DNMT1: variants seen among roughly 807,000 people sequenced by gnomAD.
The protein encoded by DNMT1 is DNA methyltransferase 1, also known as DNA (cytosine-5)-methyltransferase 1.
A neutral mutation model predicts 205.3 loss-of-function variants in DNMT1; 24 were observed. The observed-to-expected ratio is 0.12, with a 90% CI of 0.08 to 0.16. The LOEUF is 0.16. Among genes scored for constraint, DNMT1 ranks in the 10% least tolerant of loss-of-function variants. The pLI, the probability that DNMT1 is intolerant of heterozygous loss-of-function variation, is 1.00. For synonymous variants in DNMT1, 817 were observed against 839.8 expected (o/e 0.97, Z 0.47); for missense variants, 1,293 against 2,177.7 (o/e 0.59, Z 8.09).
intron 1 of DNMT1, among the ~76,000 whole-genome samples, chr19:10,191,713 T>C (rs182166315): frequency 3.9e-5 from 6 of 152,206 alleles, no homozygotes; most frequent in Middle Eastern, 3.4e-3. Flanking sequence ...TGAGGAATAA[T>C]GGCCGGGCCC....
chr19:10,164,229 T>C (rs1054463546), intron 11 of DNMT1, among the ~76,000 whole-genome samples: 2 of 152,120 alleles, frequency 1.3e-5, no homozygotes, highest in Admixed American at 6.6e-5. Context: ...GGCTCACCTC[T>C]GCCTCTCAGG....
At chr19:10,143,542 T>C (rs2089643743) in intron 29 of DNMT1, among the ~76,000 whole-genome samples, 1 of 152,008 alleles carries the variant, frequency 6.6e-6, no homozygotes, top group Non-Finnish European at 1.5e-5. Flanking sequence ...GGATTTCTTT[T>C]GGAAAAAGGG....
At position 10,149,013 on chromosome 19, in the gene DNMT1, C is replaced by T; in HGVS notation, c.2591G>A (p.Gly864Asp). ...CTCCAGCAGGGACTCGGGATCCATG[C>T]CTCCCTTGGGAGATAAGAATGCGTG... ...APSENWAMEG[G>D]MDPESLLEGD... The change falls in exon 27 of 41, where the codon GGC (glycine) becomes GAC (aspartate). Residue 864 changes from glycine to aspartate, a missense_variant. Gly to Asp is a moderately conservative substitution (Grantham distance 94, BLOSUM62 -1). Transcript: ENST00000359526. 1 of 1,614,036 alleles carries T rather than the reference C, an allele frequency of 6.2e-7. No homozygotes were observed. The highest frequency in any genetic ancestry group is 8.5e-7 in the Non-Finnish European group (1 of 1,179,996).
At chr19:10,134,849 C>A (rs1195362676) in intron 39 of DNMT1, among the ~76,000 whole-genome samples, 1 of 146,664 alleles carries the variant, frequency 6.8e-6, no homozygotes, top group Non-Finnish European at 1.5e-5. Context: ...CAGAGTGAGA[C>A]CCTGTCTCAG....
At position 10,154,859 on chromosome 19, in the gene DNMT1, A is replaced by G. The variant is rs778524656; in HGVS notation, c.1644+46T>C. ...ACAGTGTCTGCTGGTTCTGAAGGCA[A>G]GTTTCCAGTGGGAATCCCGGATGCT... On this transcript the variant is annotated intron_variant, in intron 20 of 40. Transcript: ENST00000359526. The surrounding 1 kb of genome is among the most constrained non-coding windows in gnomAD (Gnocchi z 6.3). 9 of 1,614,190 alleles carry G rather than the reference A, an allele frequency of 5.6e-6. No individual in the cohort carries two copies. Among genetic ancestry groups the G allele is most frequent in the Non-Finnish European group, 5.9e-6 (7 of 1,180,032 alleles).
In DNMT1 at chr19:10,135,752, A is replaced by T; in HGVS notation, c.4757T>A (p.Leu1586Gln). The change falls in exon 39 of 41, where the codon CTG becomes CAG. Residue 1586 changes from leucine (L) to glutamine (Q), a missense_variant. By Grantham distance (113) the Leu-to-Gln change is moderately radical. This residue lies in a region of DNMT1 where 24 missense variants were observed against 58.0 expected (regional missense o/e 0.41). Coordinates refer to ENST00000359526, the MANE Select transcript of DNMT1 (RefSeq NM_001130823.3). Reference protein sequence around the residue: ...PDTYRLFGNILDKHRQVGNAV... With the variant: ...PDTYRLFGNIQDKHRQVGNAV... ...CCCACTGACCTGCCGGTGCTTGTCC[A>T]GGATGTTGCCGAAGAGCCGGTAGGT... 1 of 1,606,886 alleles carries T rather than the reference A, an allele frequency of 6.2e-7. No individual in the cohort carries two copies. Among genetic ancestry groups the T allele is most frequent in the Non-Finnish European group, 8.5e-7 (1 of 1,177,978 alleles).
chr19:10,141,934 C>T, intron 30 of DNMT1, 94 bp downstream of exon 30: 1 of 1,477,926 alleles, frequency 6.8e-7, no homozygotes, highest in Non-Finnish European at 9.2e-7. Context: ...AGCTGAAACC[C>T]TGCAGCCAAG....
intron 22 of DNMT1, among the ~76,000 whole-genome samples, chr19:10,153,866 G>C (rs2038400588): frequency 6.6e-6 from 1 of 152,128 alleles, no homozygotes; most frequent in Non-Finnish European, 1.5e-5. Context: ...ATAGGACTAG[G>C]AAGTTAGTTC....
Position 10,166,584 on chromosome 19 carries a change from T to C in DNMT1, c.891+14A>G. On this transcript the variant is annotated intron_variant, in intron 11 of 40. Transcript: ENST00000359526. ...GAATGAGGGGGAGTTCAGAAACAAA[T>C]AACCCGCCTTTACTTTCTCGTCTCC... 6.2e-7 allele frequency: 1 copy of C among 1,613,934 alleles called. No homozygotes were observed. Among genetic ancestry groups the C allele is most frequent in the Non-Finnish European group, 8.5e-7 (1 of 1,179,908 alleles).
At position 10,173,854 on chromosome 19, in the gene DNMT1, A is replaced by G. The variant is rs1260410431; in HGVS notation, c.683+17T>C. The G allele has an allele frequency of 6.2e-7, 1 of 1,613,406 alleles. No homozygotes were observed. The highest frequency in any genetic ancestry group is 1.3e-5 in the African/African-American group (1 of 74,912). On this transcript the variant is annotated intron_variant, in intron 8 of 40. Coordinates refer to ENST00000359526, the MANE Select transcript of DNMT1 (RefSeq NM_001130823.3). ...CAACTCGTAGAACAAAAAGAAAGGT[A>G]TAGTAACTATTCTTACCGTTCTCTG...
At chr19:10,152,952 A>G (rs907488654) in intron 22 of DNMT1, among the ~76,000 whole-genome samples, 1 of 151,994 alleles carries the variant, frequency 6.6e-6, no homozygotes, top group African/African-American at 2.4e-5. Flanking sequence ...AAAAAAAAAA[A>G]AGCAATATTC....
At position 10,138,248 on chromosome 19, in the gene DNMT1, A is replaced by T. The variant is rs2089531828; in HGVS notation, c.4115+191T>A. The stretch of plus-strand genomic sequence containing the variant: ...GGCCGCTCTGCACATGCTATCTACT[A>T]GGGAAGCAGATGATGCAGGGTCAGA... On this transcript the variant is annotated intron_variant, in intron 35 of 40. Coordinates refer to ENST00000359526, the MANE Select transcript of DNMT1 (RefSeq NM_001130823.3). This position sits in a 1 kb window ranked among gnomAD's most constrained non-coding sequence, Gnocchi z 4.1. 6.6e-6 allele frequency among the ~76,000 whole-genome samples: 1 copy of T among 152,244 alleles called. No individual in the cohort carries two copies. Among genetic ancestry groups the T allele is most frequent in the Admixed American group, 6.5e-5 (1 of 15,290 alleles).
intron 1 of DNMT1, among the ~76,000 whole-genome samples, chr19:10,194,093 C>G (rs974754213): frequency 6.6e-6 from 1 of 152,346 alleles, no homozygotes; most frequent in African/African-American, 2.4e-5. Context: ...ATGCCCACGG[C>G]TCACAGGCAC....
chr19:10,136,009 G>A, intron 38 of DNMT1, 112 bp downstream of exon 38: 2 of 1,522,752 alleles, frequency 1.3e-6, no homozygotes, highest in Non-Finnish European at 1.8e-6. Flanking sequence ...GAGGCCAGGT[G>A]CCTGGGGTCC....
rs377632120 is a variant in DNMT1, at chr19:10,168,319, G to A, written c.803+11C>T. 2.3e-4 allele frequency: 364 copies of A among 1,613,880 alleles called. No homozygotes were observed. Among genetic ancestry groups the A allele is most frequent in the Non-Finnish European group, 1.7e-4 (196 of 1,179,956 alleles). On this transcript the variant is annotated intron_variant, in intron 10 of 40. Coordinates refer to ENST00000359526, the MANE Select transcript of DNMT1 (RefSeq NM_001130823.3). ...CACAACAAAGCACAAAGGCAGGTTC[G>A]CTGCACTTACGGTTCTTTGGTTTGA...
At position 10,177,161 on chromosome 19, in the gene DNMT1, C is replaced by T. The variant is rs184225618; in HGVS notation, c.569+131G>A. 9.4e-4 allele frequency: 759 copies of T among 811,406 alleles called. 8 individuals carry two copies. Among genetic ancestry groups the T allele is most frequent in the Non-Finnish European group, 7.2e-5 (35 of 489,322 alleles). The allele number at this position is 811,406 out of a possible 1,614,324, so 50.3% of individuals were successfully genotyped here. A position where few individuals can be genotyped will look rare whatever the true frequency, so the allele number is the denominator to read the frequency against. ...TTTCAGAAATGCTATTCATAAATGT[C>T]TAGAGAACAGAACCGCAAGATGAAA... is the stretch of plus-strand genomic sequence containing the variant. On this transcript the variant is annotated intron_variant, in intron 6 of 40. Coordinates refer to ENST00000359526, the MANE Select transcript of DNMT1 (RefSeq NM_001130823.3).
At chr19:10,172,280 T>G (rs1420004571) in intron 9 of DNMT1, among the ~76,000 whole-genome samples, 1 of 150,958 alleles carries the variant, frequency 6.6e-6, no homozygotes, top group Non-Finnish European at 1.5e-5. Flanking sequence ...CTGGCTGTGG[T>G]GGCAGGCACC....
rs931101509 is a variant in DNMT1, at chr19:10,156,806, C to T, written c.1281-297G>A. ...CTAATTGTTGTATTTTTAGTAGGGA[C>T]GGGGTTTCACTATGTGTAGCAGGCT... On this transcript the variant is annotated intron_variant, in intron 17 of 40. Transcript: ENST00000359526. The surrounding 1 kb of genome is among the most constrained non-coding windows in gnomAD (Gnocchi z 4.2). 4.6e-5 allele frequency among the ~76,000 whole-genome samples: 7 copies of T among 151,868 alleles called. No homozygotes were observed. The highest frequency in any genetic ancestry group is 3.9e-4 in the East Asian group (2 of 5,176).
chr19:10,169,428 G>A (rs1462889977), intron 9 of DNMT1, among the ~76,000 whole-genome samples: 1 of 151,448 alleles, frequency 6.6e-6, no homozygotes, highest in Admixed American at 6.6e-5. Context: ...GTGTTGGCGG[G>A]CGCCTGCAGT....
Sources: allele counts gnomAD v4.1 joint callset (sites outside exome capture counted in the v4.1 genomes callset), GRCh38; gene constraint gnomAD v4.1.1; regional missense constraint gnomAD v4.1.1; non-coding constraint Gnocchi (gnomAD v3.1); transcripts MANE v1.5; gene names NCBI Gene and HGNC (gene_info 2026-07-23, HGNC 2026-07-21).